The following ARID1B variants were observed in gnomAD, a reference collection of about 807,000 sequenced individuals.
ARID1B encodes AT-rich interaction domain 1B, also known as AT-rich interactive domain-containing protein 1B.
ARID1B carries 30 observed loss-of-function variants against 212.3 expected under a neutral mutation model. The ratio of observed to expected loss-of-function variants is 0.14; its 90% confidence interval spans 0.11 to 0.19. The LOEUF (loss-of-function observed/expected upper bound fraction) is 0.19. Among genes scored for constraint, ARID1B ranks in the 10% least tolerant of loss-of-function variants. The pLI is 1.00. For synonymous variants in ARID1B, 1,402 were observed against 1,301.7 expected, an observed-to-expected ratio of 1.08 and a Z score of -1.66; for missense variants, 2,891 against 3,204.0, an observed-to-expected ratio of 0.90 and a Z score of 2.36.
intron 2 of ARID1B, among the ~76,000 whole-genome samples, chr6:156,864,400 T>C (rs1785539290): frequency 6.6e-6 from 1 of 152,226 alleles, no homozygotes; most frequent in Non-Finnish European, 1.5e-5. Flanking sequence ...AATGGTAATA[T>C]ATAGGATGGC....
intron 3 of ARID1B, among the ~76,000 whole-genome samples, chr6:156,908,589 G>A (rs1258756307): frequency 1.3e-5 from 2 of 151,480 alleles, no homozygotes; most frequent in African/African-American, 4.9e-5. Flanking sequence ...CCACTCAAGT[G>A]AATGCTTACT....
rs530960432 is a variant in ARID1B at position 156,797,826 on chromosome 6, GC to G, written c.1791+18357del. 5.8e-4 allele frequency among the ~76,000 whole-genome samples: 89 copies of G among 152,358 alleles called. 1 individual carries two copies. The highest frequency in any genetic ancestry group is 3.1e-3 in the Admixed American group (48 of 15,312). ...AATGACACTGCCCTGCGGAGCACGT[GC>G]CTGGTGAGGAGAGGTGCCTGGGCGT... is the stretch of plus-strand genomic sequence containing the variant. On this transcript the variant is annotated intron_variant, in intron 1 of 19. Transcript: ENST00000636930.
chr6:157,057,885 A>C (rs1783069755), intron 4 of ARID1B, among the ~76,000 whole-genome samples: 1 of 152,188 alleles, frequency 6.6e-6, no homozygotes, highest in Non-Finnish European at 1.5e-5. Flanking sequence ...CTATGAGTAC[A>C]TTGAGTGGTT....
intron 7 of ARID1B, among the ~76,000 whole-genome samples, chr6:157,147,682 A>G (rs866111241): frequency 4.3e-4 from 17 of 39,822 alleles, no homozygotes; most frequent in African/African-American, 1.5e-3. Flanking sequence ...CCCGCCTCCG[A>G]CCCTGCCCTC....
intron 3 of ARID1B, among the ~76,000 whole-genome samples, chr6:156,931,505 A>G (rs1459466577): frequency 6.6e-6 from 1 of 152,126 alleles, no homozygotes; most frequent in Non-Finnish European, 1.5e-5. Flanking sequence ...GAATAAGCCC[A>G]TAGTAGGCAT....
chr6:156,927,807 G>T (rs1329144280), intron 3 of ARID1B, among the ~76,000 whole-genome samples: 1 of 152,138 alleles, frequency 6.6e-6, no homozygotes, highest in Non-Finnish European at 1.5e-5. Flanking sequence ...CATTCACCTG[G>T]CTTTTATCCA....
intron 4 of ARID1B, chr6:157,023,476 A>G (rs1780456326): frequency 6.6e-6 from 1 of 152,216 alleles, no homozygotes. Flanking sequence ...AATACAAATT[A>G]TTTTACATAA....
chr6:156,842,162 T>C (rs1421614919), intron 2 of ARID1B, among the ~76,000 whole-genome samples: 2 of 152,128 alleles, frequency 1.3e-5, no homozygotes, highest in Non-Finnish European at 2.9e-5. Flanking sequence ...AAATGTACAG[T>C]TCAATAATGT....
At chr6:156,801,068 C>G (rs1780747945) in intron 1 of ARID1B, among the ~76,000 whole-genome samples, 1 of 152,018 alleles carries the variant, frequency 6.6e-6, no homozygotes, top group Non-Finnish European at 1.5e-5. Flanking sequence ...TCTAGAGACT[C>G]TTGAGTTGCA....
intron 5 of ARID1B, among the ~76,000 whole-genome samples, chr6:157,100,615 A>G (rs536765471): frequency 6.6e-6 from 1 of 152,314 alleles, no homozygotes; most frequent in African/African-American, 2.4e-5. Flanking sequence ...TGTTGAATGT[A>G]TGGATTATCA....
intron 4 of ARID1B, among the ~76,000 whole-genome samples, chr6:156,991,983 A>G (rs1018971985): frequency 2.6e-5 from 4 of 152,340 alleles, no homozygotes; most frequent in Non-Finnish European, 2.9e-5. Context: ...TGAAAAGTCA[A>G]TAAAGTTTAC....
chr6:157,121,928 C>T (rs536384468), intron 6 of ARID1B, among the ~76,000 whole-genome samples: 21 of 152,010 alleles, frequency 1.4e-4, no homozygotes, highest in Non-Finnish European at 2.1e-4. Context: ...GTGCCTGGCT[C>T]GCATATAGCA....
rs376586409 is a variant in ARID1B, at chr6:156,995,187, A to G, written c.2247+59611A>G. 6.0e-4 allele frequency among the ~76,000 whole-genome samples: 92 copies of G among 152,360 alleles called. 1 individual carries two copies. The South Asian group carries it at 0.015, about 25-fold the overall frequency. ...CCAGGTGTACCTGAAGACAGACGGTAGGAAGCCTGAGGTGACGTACGAATG... is the reference window on the plus strand; with the variant it reads ...CCAGGTGTACCTGAAGACAGACGGTGGGAAGCCTGAGGTGACGTACGAATG... On this transcript the variant is annotated intron_variant, in intron 4 of 19. Coordinates refer to ENST00000636930, the MANE Select transcript of ARID1B (RefSeq NM_001374828.1).
intron 4 of ARID1B, among the ~76,000 whole-genome samples, chr6:156,968,168 A>G (rs1478970995): frequency 6.6e-6 from 1 of 152,192 alleles, no homozygotes; most frequent in African/African-American, 2.4e-5. Context: ...CACCTGGGAA[A>G]TGATTATTGT....
At chr6:157,021,597 G>C (rs888229181) in intron 4 of ARID1B, among the ~76,000 whole-genome samples, 9 of 152,280 alleles carry the variant, frequency 5.9e-5, no homozygotes, top group Non-Finnish European at 1.5e-5. Context: ...GACTGAACAG[G>C]CTCGGACTCC....
chr6:157,142,536 G>A (rs952659364), intron 7 of ARID1B, among the ~76,000 whole-genome samples: 1 of 152,128 alleles, frequency 6.6e-6, no homozygotes, highest in Non-Finnish European at 1.5e-5. Flanking sequence ...TCAAGTGGGA[G>A]GATCGCTTAA....
intron 4 of ARID1B, among the ~76,000 whole-genome samples, chr6:157,046,512 A>C (rs1782254157): frequency 6.6e-6 from 1 of 152,254 alleles, no homozygotes; most frequent in Admixed American, 6.5e-5. Flanking sequence ...AGACATCATT[A>C]AATTTATTTC....
intron 3 of ARID1B, among the ~76,000 whole-genome samples, chr6:156,934,369 A>G (rs965062124): frequency 1.3e-5 from 2 of 152,164 alleles, no homozygotes; most frequent in Non-Finnish European, 2.9e-5. Flanking sequence ...TTTGGGTTAT[A>G]TATGCTAATT....
chr6:156,932,421 A>G (rs201728704), intron 3 of ARID1B, among the ~76,000 whole-genome samples: 14 of 104,480 alleles, frequency 1.3e-4, no homozygotes, highest in South Asian at 8.3e-4. Flanking sequence ...ATGGCATTCT[A>G]TACAGCAGAT....
Sources: allele counts gnomAD v4.1 joint callset (sites outside exome capture counted in the v4.1 genomes callset), GRCh38; gene constraint gnomAD v4.1.1; transcripts MANE v1.5; gene names NCBI Gene and HGNC (gene_info 2026-07-23, HGNC 2026-07-21).